The following MARCHF11 variants were observed in gnomAD, a reference collection of about 807,000 sequenced individuals.
MARCHF11 encodes the protein E3 ubiquitin-protein ligase MARCHF11.
A neutral mutation model predicts 37.3 loss-of-function variants in MARCHF11; 29 were observed. The ratio of observed to expected loss-of-function variants is 0.78; its 90% confidence interval spans 0.58 to 1.06. MARCHF11 has a LOEUF of 1.06. Among genes scored for constraint, MARCHF11 ranks in the 50% least tolerant of loss-of-function variants. The pLI is 0.00. For synonymous variants in MARCHF11, 233 were observed against 228.0 expected (o/e 1.02, Z -0.20); for missense variants, 482 against 533.4 (o/e 0.90, Z 0.95).
chr5:16,074,422 A>T (rs2126544995), intron 3 of MARCHF11, among the ~76,000 whole-genome samples: 1 of 152,344 alleles, frequency 6.6e-6, no homozygotes, highest in African/African-American at 2.4e-5. Context: ...ACTAAATGAA[A>T]CTGAAACAAA....
intron 2 of MARCHF11, among the ~76,000 whole-genome samples, chr5:16,122,517 T>C (rs771740654): frequency 3.3e-5 from 5 of 152,206 alleles, no homozygotes; most frequent in Non-Finnish European, 4.4e-5. Context: ...ATGTTAACAG[T>C]GTACAATGTG....
chr5:16,088,065 TTTGAATGG>T lies in MARCHF11; in HGVS notation c.886+2816_886+2823del, dbSNP rs1235533666. ...GATGTCTCCAATTACATTAAAATCC[TTTGAATGG>T]GGAGCCAATCTCACATCTTCCCATG... is the stretch of plus-strand genomic sequence containing the variant. On this transcript the variant is annotated intron_variant, in intron 3 of 3. Transcript: ENST00000332432. Among the ~76,000 whole-genome samples the T allele has an allele frequency of 3.3e-5, 5 of 152,228 alleles. No homozygotes were observed. The East Asian group carries it at 9.6e-4, about 29-fold the overall frequency.
At chr5:16,118,128 C>T (rs946846249) in intron 2 of MARCHF11, among the ~76,000 whole-genome samples, 1 of 152,150 alleles carries the variant, frequency 6.6e-6, no homozygotes, top group Non-Finnish European at 1.5e-5. Flanking sequence ...GCACCTGTGG[C>T]AATCCTGAGG....
intron 2 of MARCHF11, among the ~76,000 whole-genome samples, chr5:16,124,883 T>C (rs142483951): frequency 6.6e-6 from 1 of 151,498 alleles, no homozygotes; most frequent in East Asian, 1.9e-4. Flanking sequence ...AACAATAGAA[T>C]ATGTAAATCC....
At chr5:16,138,296 C>G (rs556467234) in intron 2 of MARCHF11, among the ~76,000 whole-genome samples, 23 of 152,276 alleles carry the variant, frequency 1.5e-4, no homozygotes, top group African/African-American at 3.1e-4. Flanking sequence ...AAGGGGCCAA[C>G]AAACAGCTCA....
At chr5:16,113,495 G>T (rs912252758) in intron 2 of MARCHF11, among the ~76,000 whole-genome samples, 1 of 152,096 alleles carries the variant, frequency 6.6e-6, no homozygotes, top group Non-Finnish European at 1.5e-5. Flanking sequence ...TAGATCAAAG[G>T]CTACCTTCCC....
intron 2 of MARCHF11, among the ~76,000 whole-genome samples, chr5:16,175,942 A>C (rs1354074441): frequency 6.6e-6 from 1 of 152,240 alleles, no homozygotes; most frequent in Non-Finnish European, 1.5e-5. Flanking sequence ...GTACCAGATT[A>C]GTTTTTGGGT....
At chr5:16,101,448 T>G (rs568632182) in intron 2 of MARCHF11, among the ~76,000 whole-genome samples, 84 of 152,354 alleles carry the variant, frequency 5.5e-4, no homozygotes, top group African/African-American at 1.9e-3. Context: ...TAATTGTGTC[T>G]CATAACAAAA....
chr5:16,131,442 AAG>A (rs974148329), intron 2 of MARCHF11, among the ~76,000 whole-genome samples: 4 of 152,260 alleles, frequency 2.6e-5, no homozygotes, highest in African/African-American at 4.8e-5. Flanking sequence ...ATTATACTAA[AAG>A]AAGGGTGAAA....
intron 2 of MARCHF11, among the ~76,000 whole-genome samples, chr5:16,139,546 C>A (rs1307487580): frequency 6.6e-6 from 1 of 151,988 alleles, no homozygotes; most frequent in African/African-American, 2.4e-5. Context: ...ACAGCTTGGG[C>A]AAAAGCATAC....
intron 2 of MARCHF11, among the ~76,000 whole-genome samples, chr5:16,121,424 G>A (rs1737308009): frequency 6.6e-6 from 1 of 152,142 alleles, no homozygotes; most frequent in Non-Finnish European, 1.5e-5. Flanking sequence ...TTGGCATATG[G>A]TAGGAACACA....
chr5:16,098,983 C>A (rs1323384286), intron 2 of MARCHF11, among the ~76,000 whole-genome samples: 2 of 151,906 alleles, frequency 1.3e-5, no homozygotes, highest in African/African-American at 4.8e-5. Flanking sequence ...TAAAAGTTGG[C>A]ATGTTCTTGT....
chr5:16,140,430 T>C (rs1242281728), intron 2 of MARCHF11, among the ~76,000 whole-genome samples: 1 of 152,188 alleles, frequency 6.6e-6, no homozygotes, highest in Non-Finnish European at 1.5e-5. Flanking sequence ...ATTGTATATA[T>C]AGCTAATTGC....
intron 2 of MARCHF11, chr5:16,141,635 A>G (rs888527654): frequency 7.2e-5 from 11 of 152,250 alleles, no homozygotes; most frequent in Non-Finnish European, 1.5e-4. Context: ...GAAGCTAAAC[A>G]GCTTGGGACA....
At chr5:16,105,255 T>C (rs1258305848) in intron 2 of MARCHF11, among the ~76,000 whole-genome samples, 2 of 152,208 alleles carry the variant, frequency 1.3e-5, no homozygotes, top group African/African-American at 4.8e-5. Context: ...GTAAATCTCT[T>C]ATGTGAGATT....
rs200016944 is a variant in MARCHF11 at position 16,090,922 on chromosome 5, C to T, written c.853G>A (p.Gly285Arg). Residue 285 changes from glycine (G) to arginine (R), a missense_variant, in exon 3 of 4, where the codon GGA (glycine) becomes AGA (arginine). Physicochemically the swap from Gly to Arg is moderately radical, Grantham distance 125. Transcript: ENST00000332432. ...ACTAGATCCATAAAACCATACATTC[C>T]ATAGCAGATCTGAAAAAGGATGTCC... ...RKDILFQICY[G>R]MYGFMDLVCI... The T allele has an allele frequency of 6.2e-7, 1 of 1,609,830 alleles. No individual in the cohort carries two copies.
chr5:16,113,035 AC>A (rs1737173426), intron 2 of MARCHF11, among the ~76,000 whole-genome samples: 1 of 152,194 alleles, frequency 6.6e-6, no homozygotes. Flanking sequence ...GTGAAAACAG[AC>A]TAATACGTAA....
intron 2 of MARCHF11, among the ~76,000 whole-genome samples, chr5:16,154,194 G>A (rs1390321306): frequency 6.6e-6 from 1 of 151,902 alleles, no homozygotes; most frequent in Non-Finnish European, 1.5e-5. Context: ...TGATGCCAGG[G>A]GTTTTCTGTA....
intron 3 of MARCHF11, among the ~76,000 whole-genome samples, chr5:16,071,471 A>G (rs1736436650): frequency 6.6e-6 from 1 of 152,190 alleles, no homozygotes; most frequent in Non-Finnish European, 1.5e-5. Context: ...GGCTTAAATA[A>G]TTTCTGGTTT....
Sources: gnomAD v4.1 joint callset for allele counts (sites outside exome capture counted in the v4.1 genomes callset) on GRCh38, gnomAD v4.1.1 for gene constraint, MANE v1.5 for transcripts, NCBI Gene and HGNC (gene_info 2026-07-23, HGNC 2026-07-21) for gene names.